CDH12: variants seen among roughly 807,000 people sequenced by gnomAD.
The protein encoded by CDH12 is cadherin 12.
Under a neutral mutation model 74.1 loss-of-function variants are expected in CDH12, and 41 were observed. The observed-to-expected ratio is 0.55, with a 90% confidence interval of 0.43 to 0.72. CDH12 has a LOEUF of 0.72. CDH12 is among the 30% of genes least tolerant of loss of function. CDH12 has a pLI of 0.00. For missense variants in CDH12, 945 were observed against 977.2 expected (o/e 0.97, Z 0.44); for synonymous variants, 399 against 355.0 (o/e 1.12, Z -1.39).
chr5:22,633,505 G>A (rs997736765), intron 1 of CDH12, among the ~76,000 whole-genome samples: 1 of 152,154 alleles, frequency 6.6e-6, no homozygotes, highest in Non-Finnish European at 1.5e-5. Context: ...GTCTATGAGG[G>A]TGCATCTAGA....
chr5:22,619,371 T>C (rs181191713), intron 1 of CDH12, among the ~76,000 whole-genome samples: 172 of 151,834 alleles, frequency 1.1e-3, no homozygotes, highest in African/African-American at 4.1e-3. Flanking sequence ...CAAAAGGAGG[T>C]CAGTTCCTGC....
At chr5:22,127,260 G>A (rs189418466) in intron 4 of CDH12, among the ~76,000 whole-genome samples, 2 of 151,878 alleles carry the variant, frequency 1.3e-5, no homozygotes, top group Non-Finnish European at 1.5e-5. Flanking sequence ...TTGGGGGGCC[G>A]AGAGGTCAGG....
At chr5:22,646,400 A>G (rs1331015480) in intron 1 of CDH12, among the ~76,000 whole-genome samples, 1 of 151,856 alleles carries the variant, frequency 6.6e-6, no homozygotes, top group East Asian at 1.9e-4. Flanking sequence ...TATGTTTTCA[A>G]TTACTGAAGA....
At chr5:22,439,634 GTCTTGTATAAGCAC>G (rs1472496936) in intron 2 of CDH12, among the ~76,000 whole-genome samples, 1 of 152,026 alleles carries the variant, frequency 6.6e-6, no homozygotes, top group Non-Finnish European at 1.5e-5. Flanking sequence ...GAATTTCCTA[GTCTTGTATAAGCAC>G]TCAGAAAACC....
intron 3 of CDH12, among the ~76,000 whole-genome samples, chr5:22,263,138 A>C (rs896251103): frequency 1.3e-5 from 2 of 152,180 alleles, no homozygotes; most frequent in African/African-American, 4.8e-5. Context: ...CACTATTTCT[A>C]TAGATATACT....
At chr5:21,922,255 T>C (rs940175390) in intron 6 of CDH12, among the ~76,000 whole-genome samples, 4 of 152,182 alleles carry the variant, frequency 2.6e-5, no homozygotes, top group Admixed American at 2.0e-4. Context: ...AAGATTATCA[T>C]AGAATTTCAG....
chr5:22,828,193 C>G (rs892603687), intron 1 of CDH12, among the ~76,000 whole-genome samples: 1 of 151,990 alleles, frequency 6.6e-6, no homozygotes, highest in Non-Finnish European at 1.5e-5. Context: ...AACCCTTACC[C>G]TAAATGGATC....
At chr5:22,154,183 C>A in intron 4 of CDH12, among the ~76,000 whole-genome samples, 2 of 150,140 alleles carry the variant, frequency 1.3e-5, no homozygotes, top group Non-Finnish European at 3.0e-5. Flanking sequence ...GAAATGATTA[C>A]CACAATCAAG....
chr5:22,621,417 C>T (rs906182872), intron 1 of CDH12, among the ~76,000 whole-genome samples: 2 of 152,052 alleles, frequency 1.3e-5, no homozygotes, highest in Non-Finnish European at 2.9e-5. Context: ...TTATAAATGC[C>T]TTATACTAGA....
intron 1 of CDH12, among the ~76,000 whole-genome samples, chr5:22,681,512 A>G (rs1283949951): frequency 6.6e-6 from 1 of 152,070 alleles, no homozygotes; most frequent in African/African-American, 2.4e-5. Flanking sequence ...GGGATCTGTC[A>G]CATCGCTTCA....
chr5:22,255,412 A>T (rs533664474), intron 3 of CDH12, among the ~76,000 whole-genome samples: 10 of 151,834 alleles, frequency 6.6e-5, no homozygotes, highest in Admixed American at 6.6e-4. Context: ...TAAAATATGT[A>T]TGCTAAAAAC....
At chr5:22,122,065 G>T (rs1745549061) in intron 4 of CDH12, among the ~76,000 whole-genome samples, 1 of 152,010 alleles carries the variant, frequency 6.6e-6, no homozygotes, top group Non-Finnish European at 1.5e-5. Flanking sequence ...TTAGTTCTCT[G>T]CTCAGGATCT....
At chr5:22,113,935 T>C (rs971680996) in intron 4 of CDH12, among the ~76,000 whole-genome samples, 2 of 152,168 alleles carry the variant, frequency 1.3e-5, no homozygotes, top group Non-Finnish European at 2.9e-5. Flanking sequence ...TCAGAAGCAG[T>C]GGAGGGCCTC....
At chr5:21,880,497 T>C (rs1179421726) in intron 6 of CDH12, among the ~76,000 whole-genome samples, 6 of 101,264 alleles carry the variant, frequency 5.9e-5, no homozygotes, top group Non-Finnish European at 1.0e-4. Flanking sequence ...CTTCCTTCCT[T>C]CCTTCCTCCC....
rs1040701591 is a variant in CDH12 at position 21,934,303 on chromosome 5, T to A, written c.526+40788A>T. Among the ~76,000 whole-genome samples the A allele has an allele frequency of 2.0e-5, 3 of 152,250 alleles. No individual in the cohort carries two copies. In the East Asian group the frequency reaches 5.8e-4, roughly 30 times the overall value. On this transcript the variant is annotated intron_variant, in intron 6 of 14. Transcript: ENST00000382254. ...CCTTTGGTAATGTATCCTGAGTGAGTTCTCACAAGATCTAGTTGTTTAAAA... is the reference window on the plus strand; with the variant it reads ...CCTTTGGTAATGTATCCTGAGTGAGATCTCACAAGATCTAGTTGTTTAAAA...
intron 4 of CDH12, among the ~76,000 whole-genome samples, chr5:22,138,052 A>G (rs1746561290): frequency 6.6e-6 from 1 of 152,142 alleles, no homozygotes; most frequent in South Asian, 2.1e-4. Flanking sequence ...TATGAAAACC[A>G]TAAGATTTCT....
At chr5:22,261,782 G>T in intron 3 of CDH12, among the ~76,000 whole-genome samples, 1 of 43,752 alleles carries the variant, frequency 2.3e-5, no homozygotes, top group African/African-American at 8.5e-5. Context: ...AGGAGAGAAA[G>T]AAAGCCAAAA....
At chr5:21,755,036 A>G (rs1744307128) in intron 14 of CDH12, among the ~76,000 whole-genome samples, 1 of 152,232 alleles carries the variant, frequency 6.6e-6, no homozygotes, top group African/African-American at 2.4e-5. Context: ...GAGATGCAAG[A>G]AAGTGGAAGA....
chr5:22,376,697 T>TTG (rs1256056348), intron 3 of CDH12, among the ~76,000 whole-genome samples: 1 of 149,680 alleles, frequency 6.7e-6, no homozygotes, highest in Non-Finnish European at 1.5e-5. Context: ...TTTTTTTTTT[T>TTG]TTTTTTTTAG....
Sources: gnomAD v4.1 joint callset for allele counts (sites outside exome capture counted in the v4.1 genomes callset) on GRCh38, gnomAD v4.1.1 for gene constraint, MANE v1.5 for transcripts, NCBI Gene and HGNC (gene_info 2026-07-23, HGNC 2026-07-21) for gene names.